The following IGF1 variants were observed in gnomAD, a reference collection of about 807,000 sequenced individuals.
IGF1 encodes insulin like growth factor 1.
A neutral mutation model predicts 13.8 loss-of-function variants in IGF1; 4 were observed. The ratio of observed to expected loss-of-function variants is 0.29; its 90% confidence interval spans 0.14 to 0.66. The LOEUF (loss-of-function observed/expected upper bound fraction) is 0.66, where lower values mean the gene tolerates loss of function less well. Among genes scored for constraint, IGF1 ranks in the 30% least tolerant of loss-of-function variants. The pLI is 0.78. For missense variants in IGF1, 124 were observed against 188.5 expected, an observed-to-expected ratio of 0.66 and a Z score of 2.00; for synonymous variants, 76 against 72.6, an observed-to-expected ratio of 1.05 and a Z score of -0.23.
chr12:102,438,988 C>G (rs1306773300), intron 2 of IGF1, among the ~76,000 whole-genome samples: 1 of 152,222 alleles, frequency 6.6e-6, no homozygotes, highest in Non-Finnish European at 1.5e-5. Context: ...CTGTCCTCCC[C>G]CATACCCATT....
upstream of IGF1, chr12:102,480,670 G>T: frequency 8.2e-7 from 1 of 1,222,550 alleles, no homozygotes; most frequent in Non-Finnish European, 1.1e-6. Flanking sequence ...TTCTGGCAAA[G>T]TTATTGAGTA....
At chr12:102,425,370 G>C (rs1014813032) in intron 2 of IGF1, among the ~76,000 whole-genome samples, 1 of 152,120 alleles carries the variant, frequency 6.6e-6, no homozygotes, top group African/African-American at 2.4e-5. Context: ...AGTGTTTGCT[G>C]GTCTCACTAC....
chr12:102,428,650 G>A lies in IGF1; in HGVS notation c.221-8960C>T, dbSNP rs569163042. On this transcript the variant is annotated intron_variant, in intron 2 of 3. Transcript: ENST00000337514. ...GAGAAGAGTCTTTCTAATAATCCTT[G>A]GGCATGGCCTTTTACTTTTATTCTT... is the stretch of plus-strand genomic sequence containing the variant. 2.6e-5 allele frequency among the ~76,000 whole-genome samples: 4 copies of A among 152,270 alleles called. No individual in the cohort carries two copies. In the South Asian group the frequency reaches 6.2e-4, roughly 24 times the overall value.
chr12:102,475,675 T>A lies in IGF1; in HGVS notation c.188A>T (p.Gln63Leu). The change falls in exon 2 of 4, where the codon CAG becomes CTG. Residue 63 changes from glutamine (Q) to leucine (L), a missense_variant. Physicochemically the swap from Gln to Leu is moderately radical, Grantham distance 113. Transcript: ENST00000337514. ...AAAGCCCCTGTCTCCACACACGAACTGAAGAGCATCCACCAGCTCAGCCCC... is the reference window on the plus strand; with the variant it reads ...AAAGCCCCTGTCTCCACACACGAACAGAAGAGCATCCACCAGCTCAGCCCC... ...LCGAELVDAL[Q>L]FVCGDRGFYF... The A allele has an allele frequency of 1.2e-6, 2 of 1,614,172 alleles. No individual in the cohort carries two copies. The highest frequency in any genetic ancestry group is 1.7e-6 in the Non-Finnish European group (2 of 1,180,030).
chr12:102,405,956 T>A (rs1244890920), intron 3 of IGF1, among the ~76,000 whole-genome samples: 1 of 152,226 alleles, frequency 6.6e-6, no homozygotes, highest in Non-Finnish European at 1.5e-5. Flanking sequence ...AAGCACAAGG[T>A]ATAAAGTGTA....
At chr12:102,427,108 C>T (rs757056499) in intron 2 of IGF1, among the ~76,000 whole-genome samples, 12 of 152,166 alleles carry the variant, frequency 7.9e-5, no homozygotes, top group Non-Finnish European at 1.0e-4. Flanking sequence ...ATCACTACTC[C>T]ATCTTGGACC....
intron 2 of IGF1, among the ~76,000 whole-genome samples, chr12:102,431,799 C>T (rs1193804625): frequency 6.6e-6 from 1 of 152,144 alleles, no homozygotes; most frequent in Non-Finnish European, 1.5e-5. Flanking sequence ...AGAGTTTTAT[C>T]CTAGGTATTC....
At chr12:102,439,467 A>C (rs1423039715) in intron 2 of IGF1, among the ~76,000 whole-genome samples, 1 of 152,226 alleles carries the variant, frequency 6.6e-6, no homozygotes, top group Non-Finnish European at 1.5e-5. Context: ...AAAATAGACA[A>C]AAATGGGCTC....
chr12:102,431,755 A>T (rs954587875), intron 2 of IGF1, among the ~76,000 whole-genome samples: 2 of 152,190 alleles, frequency 1.3e-5, no homozygotes, highest in South Asian at 4.1e-4. Flanking sequence ...AAATGGACCC[A>T]CTAACCCCAG....
intron 2 of IGF1, among the ~76,000 whole-genome samples, chr12:102,472,507 T>C (rs925080213): frequency 1.3e-5 from 2 of 152,188 alleles, no homozygotes; most frequent in African/African-American, 4.8e-5. Flanking sequence ...AATTTCAAAC[T>C]AAAATCAGAA....
chr12:102,478,657 T>C (rs1881221991), intron 1 of IGF1: 2 of 1,382,924 alleles, frequency 1.4e-6, no homozygotes, highest in African/African-American at 1.5e-5. Flanking sequence ...TATGCTATTA[T>C]GAGCCTGGGT....
intron 3 of IGF1, among the ~76,000 whole-genome samples, chr12:102,407,859 G>C (rs1424193034): frequency 6.6e-6 from 1 of 152,024 alleles, no homozygotes; most frequent in Non-Finnish European, 1.5e-5. Flanking sequence ...AAACTCCCTA[G>C]GTATTATAAC....
chr12:102,444,704 T>A (rs1371670262), intron 2 of IGF1, among the ~76,000 whole-genome samples: 1 of 152,116 alleles, frequency 6.6e-6, no homozygotes, highest in Non-Finnish European at 1.5e-5. Context: ...AACAATTGGT[T>A]ACCTGCTACA....
chr12:102,418,593 G>A (rs981918916), intron 3 of IGF1, among the ~76,000 whole-genome samples: 2 of 152,168 alleles, frequency 1.3e-5, no homozygotes, highest in African/African-American at 4.8e-5. Context: ...ATACTTAAAC[G>A]AGAGCTATTT....
intron 2 of IGF1, among the ~76,000 whole-genome samples, chr12:102,427,820 C>T (rs995685394): frequency 6.6e-6 from 1 of 152,078 alleles, no homozygotes; most frequent in Non-Finnish European, 1.5e-5. Flanking sequence ...AGATTGAACA[C>T]AGGAGAGAGG....
intron 1 of IGF1, among the ~76,000 whole-genome samples, chr12:102,477,287 A>C (rs570716610): frequency 1.3e-5 from 2 of 152,156 alleles, no homozygotes; most frequent in South Asian, 4.1e-4. Flanking sequence ...AAAAAAAAAA[A>C]ACCAAAACCC....
intron 2 of IGF1, among the ~76,000 whole-genome samples, chr12:102,460,571 T>C (rs77110635): frequency 0.034 from 5,141 of 152,260 alleles, 118 homozygotes; most frequent in African/African-American, 0.041. Flanking sequence ...TTTACTTCCA[T>C]ACATTTTACT....
chr12:102,478,483 T>C, intron 1 of IGF1: 1 of 1,596,042 alleles, frequency 6.3e-7, no homozygotes, highest in Non-Finnish European at 8.5e-7. Flanking sequence ...AAGAAAATAC[T>C]CACTGTAGGT....
At chr12:102,456,904 C>T (rs1879459512) in intron 2 of IGF1, among the ~76,000 whole-genome samples, 1 of 152,194 alleles carries the variant, frequency 6.6e-6, no homozygotes, top group East Asian at 1.9e-4. Flanking sequence ...ATTCTAACAA[C>T]ACTTCACTCA....
Sources: allele counts gnomAD v4.1 joint callset (sites outside exome capture counted in the v4.1 genomes callset), GRCh38; gene constraint gnomAD v4.1.1; transcripts MANE v1.5; gene names NCBI Gene and HGNC (gene_info 2026-07-23, HGNC 2026-07-21).